LYG2: variants seen among roughly 807,000 people sequenced by gnomAD.
LYG2 encodes lysozyme g-like protein 2.
In LYG2, 25 loss-of-function variants were observed where a neutral mutation model predicts 22.4. That is an observed-to-expected ratio of 1.12 (90% CI 0.81 to 1.56). The LOEUF (loss-of-function observed/expected upper bound fraction) is 1.56. Ranked by LOEUF, LYG2 falls within the 40% of genes most tolerant of loss-of-function variation. The pLI is 0.00. For missense variants in LYG2, 266 were observed against 269.5 expected, an observed-to-expected ratio of 0.99 and a Z score of 0.09; for synonymous variants, 88 against 97.0, an observed-to-expected ratio of 0.91 and a Z score of 0.55.
At chr2:99,246,204 G>T (rs1009505796) in intron 4 of LYG2, among the ~76,000 whole-genome samples, 1 of 152,190 alleles carries the variant, frequency 6.6e-6, no homozygotes, top group Admixed American at 6.5e-5. Flanking sequence ...CCACTAGTTG[G>T]TTCTGTTCTA....
At chr2:99,243,341 G>C in intron 6 of LYG2, 1 of 1,172,936 alleles carries the variant, frequency 8.5e-7, no homozygotes. Flanking sequence ...CTGAACTTGA[G>C]GGGGCCTGTG....
At chr2:99,242,539 A>G (rs200397476) in intron 6 of LYG2, 57 bp from the exon 7 acceptor site, 231 of 1,205,636 alleles carry the variant, frequency 1.9e-4, no homozygotes, top group Non-Finnish European at 2.9e-5. Context: ...GAAATAAGCA[A>G]TGAGCATTGC....
chr2:99,258,296 T>G (rs963119305), upstream of LYG2, among the ~76,000 whole-genome samples: 2 of 152,210 alleles, frequency 1.3e-5, no homozygotes, highest in East Asian at 3.8e-4. Context: ...AAAAATAAAT[T>G]TTATATGTAA....
At chr2:99,251,246 C>T (rs1034624941) in intron 3 of LYG2, among the ~76,000 whole-genome samples, 1 of 151,972 alleles carries the variant, frequency 6.6e-6, no homozygotes, top group Non-Finnish European at 1.5e-5. Context: ...AAAAGAAGAA[C>T]AAATGAACAT....
intron 3 of LYG2, among the ~76,000 whole-genome samples, chr2:99,248,658 C>T (rs1428603476): frequency 6.6e-6 from 1 of 150,430 alleles, no homozygotes; most frequent in Non-Finnish European, 1.5e-5. Context: ...GGGTGCAGCA[C>T]ACCAGCATGG....
chr2:99,246,698 T>G lies in LYG2; in HGVS notation c.166A>C (p.Asn56His). Reference sequence around the variant, plus strand: ...CACTTACCGCAGTTCATCACACTGTTTGCATCACAAGTGGCCCCAGAGGTC... The same window carrying G: ...CACTTACCGCAGTTCATCACACTGTGTGCATCACAAGTGGCCCCAGAGGTC... ...MKTSGATCDA[N>H]SVMNCGIRGS... The change falls in exon 4 of 7, where the codon AAC (asparagine) becomes CAC (histidine). Residue 56 changes from asparagine to histidine, a missense_variant. Physicochemically the swap from Asn to His is moderately conservative, Grantham distance 68. Coordinates refer to ENST00000333017, the MANE Select transcript of LYG2 (RefSeq NM_175735.4). 1 of 1,613,974 alleles carries G rather than the reference T, an allele frequency of 6.2e-7. No individual in the cohort carries two copies.
In LYG2 at chr2:99,242,279, G is replaced by T. The variant is rs996507498; in HGVS notation, c.*85C>A. 2 of 581,098 alleles carry T rather than the reference G, an allele frequency of 3.4e-6. No individual in the cohort carries two copies. The highest frequency in any genetic ancestry group is 6.3e-5 in the South Asian group (2 of 31,556). 36.0% of individuals were successfully genotyped at this position (581,098 alleles called of 1,614,324 possible). On this transcript the variant is annotated 3_prime_UTR_variant, in exon 7 of 7. Coordinates refer to ENST00000333017, the MANE Select transcript of LYG2 (RefSeq NM_175735.4). ...CATGATTTTAATCATTTCTTTGCCA[G>T]TGTTGTATACAACACATTCACGTAA...
chr2:99,244,173 G>A (rs1255476789), intron 5 of LYG2, 36 bp from the exon 6 acceptor site: 3 of 1,595,000 alleles, frequency 1.9e-6, no homozygotes, highest in Admixed American at 1.8e-5. Flanking sequence ...GCATCTGGAT[G>A]AGGTAACACA....
intron 3 of LYG2, among the ~76,000 whole-genome samples, chr2:99,253,604 C>G (rs1014346846): frequency 1.4e-4 from 22 of 152,162 alleles, no homozygotes; most frequent in African/African-American, 5.1e-4. Context: ...ATCTTTCCAG[C>G]CTTCCCCCCA....
In LYG2 at chr2:99,254,287, T is replaced by C; in HGVS notation, c.-25-2A>G. 6.2e-7 allele frequency: 1 copy of C among 1,608,710 alleles called. No homozygotes were observed. Among genetic ancestry groups the C allele is most frequent in the Non-Finnish European group, 8.5e-7 (1 of 1,177,446 alleles). Reference sequence around the variant, plus strand: ...GCGGGGAATCTTATCTTCCAGGACCTGCTCTGATTTGAAATAGAAACTGGT... The same window carrying C: ...GCGGGGAATCTTATCTTCCAGGACCCGCTCTGATTTGAAATAGAAACTGGT... On this transcript the variant is annotated splice_acceptor_variant, in intron 2 of 6. Coordinates refer to ENST00000333017, the MANE Select transcript of LYG2 (RefSeq NM_175735.4). LOFTEE classifies it low-confidence loss of function (5UTR_SPLICE).
chr2:99,243,091 A>G (rs914984249), intron 6 of LYG2, among the ~76,000 whole-genome samples: 1 of 152,140 alleles, frequency 6.6e-6, no homozygotes, highest in Non-Finnish European at 1.5e-5. Flanking sequence ...GAGACTAGAA[A>G]CTGTTCTGAT....
chr2:99,254,311 G>A (rs755069982), intron 2 of LYG2, 26 bp from the exon 3 acceptor site: 19 of 1,566,772 alleles, frequency 1.2e-5, no homozygotes, highest in Non-Finnish European at 1.6e-5. Flanking sequence ...ATAGAAACTG[G>A]TTAATTTTAA....
Position 99,246,765 on chromosome 2 carries a change from T to C in LYG2, c.99A>G (p.Pro33=). 1 of 1,614,024 alleles carries C rather than the reference T, an allele frequency of 6.2e-7. No individual in the cohort carries two copies. Among genetic ancestry groups the C allele is most frequent in the Non-Finnish European group, 8.5e-7 (1 of 1,179,980 alleles). The change falls in exon 4 of 7, where the codon CCA becomes CCG. Residue 33 remains proline, a synonymous_variant. Transcript: ENST00000333017. ...FSHSMKPHLH[P]RLYHGCYGDI... ...CCCCATAGCAGCCGTGGTACAGGCG[T>C]GGATGTAGGTGAGGCTTCATTGAGT... is the stretch of plus-strand genomic sequence containing the variant.
upstream of LYG2, among the ~76,000 whole-genome samples, chr2:99,255,815 A>G (rs2094035168): frequency 6.6e-6 from 1 of 152,150 alleles, no homozygotes; most frequent in Non-Finnish European, 1.5e-5. Flanking sequence ...GTGAGTGCTC[A>G]TTTGCCCATA....
At chr2:99,243,423 G>T (rs1352956844) in intron 6 of LYG2, 1 of 1,549,748 alleles carries the variant, frequency 6.5e-7, no homozygotes. Flanking sequence ...GAGTAACATT[G>T]TTCAGACAAT....
chr2:99,256,980 C>G (rs2094037511), upstream of LYG2, among the ~76,000 whole-genome samples: 1 of 152,176 alleles, frequency 6.6e-6, no homozygotes, highest in African/African-American at 2.4e-5. Flanking sequence ...AGTAACTTGT[C>G]AAAGATGGCA....
intron 6 of LYG2, 88 bp from the exon 7 acceptor site, chr2:99,242,570 C>A (rs1033437393): frequency 2.3e-5 from 19 of 842,582 alleles, no homozygotes; most frequent in Non-Finnish European, 3.3e-5. Context: ...GCTTTCCAGG[C>A]AAATCTTCCA....
chr2:99,251,817 A>G (rs551381856), intron 3 of LYG2, among the ~76,000 whole-genome samples: 17 of 151,952 alleles, frequency 1.1e-4, no homozygotes, highest in Admixed American at 3.3e-4. Flanking sequence ...GCTGGTCCTT[A>G]TATGTTAGAG....
upstream of LYG2, among the ~76,000 whole-genome samples, chr2:99,255,696 T>C (rs898175732): frequency 1.2e-4 from 18 of 152,300 alleles, no homozygotes; most frequent in African/African-American, 4.3e-4. Context: ...CTATGTCACA[T>C]GATCATGATA....
Sources: allele counts gnomAD v4.1 joint callset (sites outside exome capture counted in the v4.1 genomes callset), GRCh38; gene constraint gnomAD v4.1.1; transcripts MANE v1.5; gene names NCBI Gene and HGNC (gene_info 2026-07-23, HGNC 2026-07-21).